The following LPA variants were observed in gnomAD, a reference collection of about 807,000 sequenced individuals.
LPA encodes the protein lipoprotein(a).
A neutral mutation model predicts 197.9 loss-of-function variants in LPA; 199 were observed. That is an observed-to-expected ratio of 1.01 (90% CI 0.90 to 1.13). LPA has a LOEUF of 1.13. Among genes scored for constraint, LPA ranks in the 50% most tolerant of loss-of-function variants. The probability of loss-of-function intolerance (pLI) is 0.00; values close to 1 mark genes in which losing one functional copy is unlikely to be tolerated. For synonymous variants in LPA, 715 were observed against 639.5 expected (o/e 1.12, Z -1.78); for missense variants, 1,853 against 1,785.8 (o/e 1.04, Z -0.68).
chr6:160,606,784 A>G (rs1420540502), intron 16 of LPA, 126 bp from the exon 17 acceptor site: 1 of 1,426,024 alleles, frequency 7.0e-7, no homozygotes, highest in Non-Finnish European at 9.9e-7. Flanking sequence ...TAAAAGTACC[A>G]TATGATTGCC....
In LPA at chr6:160,548,501, C is replaced by A. The variant is rs758400355; in HGVS notation, c.5132G>T (p.Ser1711Ile). Residue 1711 changes from serine to isoleucine, a missense_variant, in exon 31 of 39, where the codon AGC (serine) becomes ATC (isoleucine). Transcript: ENST00000316300. Reference sequence around the variant, plus strand: ...ACCTTGTTCAGAAGGAGGCCCTAGGCTTGGAACCTGGATGACAGTCGGAGG... The same window carrying A: ...ACCTTGTTCAGAAGGAGGCCCTAGGATTGGAACCTGGATGACAGTCGGAGG... ...VAPPTVIQVPSLGPPSEQDCM... is the reference protein window; with the variant it reads ...VAPPTVIQVPILGPPSEQDCM... The A allele has an allele frequency of 6.2e-7, 1 of 1,614,078 alleles. No individual in the cohort carries two copies. Among genetic ancestry groups the A allele is most frequent in the Non-Finnish European group, 8.5e-7 (1 of 1,180,014 alleles).
intron 26 of LPA, among the ~76,000 whole-genome samples, chr6:160,581,542 T>G (rs1778801866): frequency 6.6e-6 from 1 of 152,116 alleles, no homozygotes; most frequent in Non-Finnish European, 1.5e-5. Flanking sequence ...TCTCAGGCAA[T>G]CCTCTCATCT....
chr6:160,563,860 G>A (rs1778403782), intron 28 of LPA, among the ~76,000 whole-genome samples: 1 of 152,076 alleles, frequency 6.6e-6, no homozygotes, highest in African/African-American at 2.4e-5. Context: ...TTTAAAGTCT[G>A]TTTCATCAAA....
chr6:160,585,158 C>A lies in LPA; in HGVS notation c.4177G>T (p.Gly1393Ter). The A allele has an allele frequency of 6.2e-7, 1 of 1,613,404 alleles. No homozygotes were observed. Among genetic ancestry groups the A allele is most frequent in the South Asian group, 1.1e-5 (1 of 91,056 alleles). The change falls in exon 26 of 39, where the codon GGA (glycine) becomes TGA (stop). Residue 1393 changes from glycine to a stop codon, truncating the protein, a stop_gained. Transcript: ENST00000316300. LOFTEE classifies it high-confidence loss of function. ...TGVQDCYRGD[G>*]QSYRGTLSTT... ...GAGAGTGTGCCTCGATAACTCTGTC[C>A]ATCACCTCGGTAGCAGTCCTGGACC...
At chr6:160,609,438 C>T (rs1168856526) in intron 16 of LPA, among the ~76,000 whole-genome samples, 1 of 152,050 alleles carries the variant, frequency 6.6e-6, no homozygotes, top group African/African-American at 2.4e-5. Flanking sequence ...GCTCTTTTTT[C>T]TCCAGTTTCT....
chr6:160,571,015 G>A (rs753630059), intron 28 of LPA, among the ~76,000 whole-genome samples: 9 of 152,124 alleles, frequency 5.9e-5, no homozygotes, highest in Admixed American at 1.3e-4. Flanking sequence ...CCAATCAAAC[G>A]TAGGTTCAAT....
chr6:160,561,066 C>T (rs534222086), intron 28 of LPA, among the ~76,000 whole-genome samples: 91 of 152,198 alleles, frequency 6.0e-4, no homozygotes, highest in African/African-American at 2.2e-3. Flanking sequence ...CCCACGACCA[C>T]ACCCAGCTAA....
chr6:160,591,481 G>T (rs1422216547), intron 22 of LPA, among the ~76,000 whole-genome samples: 2 of 152,300 alleles, frequency 1.3e-5, no homozygotes, highest in South Asian at 2.1e-4. Context: ...TCTCTGTCTG[G>T]CTATCTGTAT....
chr6:160,611,353 C>A (rs534782358), intron 16 of LPA, among the ~76,000 whole-genome samples: 10 of 152,202 alleles, frequency 6.6e-5, no homozygotes, highest in Non-Finnish European at 1.0e-4. Flanking sequence ...CATTTCCCTT[C>A]TGCTCCACAA....
intron 30 of LPA, among the ~76,000 whole-genome samples, chr6:160,549,860 G>A (rs1346011120): frequency 6.6e-6 from 1 of 152,200 alleles, no homozygotes; most frequent in South Asian, 2.1e-4. Context: ...TAAAGTGAGA[G>A]GGCTGGCTAG....
chr6:160,556,235 T>C (rs1778261462), intron 29 of LPA, 51 bp from the exon 30 acceptor site: 1 of 1,571,846 alleles, frequency 6.4e-7, no homozygotes, highest in Admixed American at 1.7e-5. Flanking sequence ...CAGAAACATG[T>C]GAAGCAATTT....
intron 1 of LPA, among the ~76,000 whole-genome samples, chr6:160,658,303 C>A (rs569385853): frequency 6.6e-6 from 1 of 152,168 alleles, no homozygotes; most frequent in Non-Finnish European, 1.5e-5. Flanking sequence ...ACAGTAAACA[C>A]CTGGCAAGGC....
chr6:160,610,362 T>C (rs1779467177), intron 16 of LPA, among the ~76,000 whole-genome samples: 1 of 152,168 alleles, frequency 6.6e-6, no homozygotes, highest in South Asian at 2.1e-4. Context: ...GCCTTTATTC[T>C]AGTAATATAC....
intron 37 of LPA, among the ~76,000 whole-genome samples, chr6:160,534,609 ACCT>A (rs1045632553): frequency 6.6e-6 from 1 of 151,960 alleles, no homozygotes; most frequent in African/African-American, 2.4e-5. Context: ...GAGAATTTTG[ACCT>A]CCTTCTGAGA....
intron 28 of LPA, among the ~76,000 whole-genome samples, chr6:160,568,287 A>G (rs899017446): frequency 6.6e-6 from 1 of 152,220 alleles, no homozygotes; most frequent in African/African-American, 2.4e-5. Flanking sequence ...AAGCTTATCC[A>G]CCATGATCAA....
rs189377046 is a variant in LPA at position 160,537,897 on chromosome 6, C to T, written c.5800G>A (p.Ala1934Thr). 231 of 1,614,206 alleles carry T rather than the reference C, an allele frequency of 1.4e-4. 1 individual carries two copies. The highest frequency in any genetic ancestry group is 1.0e-3 in the South Asian group (94 of 91,084). The change falls in exon 37 of 39, where the codon GCC becomes ACC. Residue 1934 changes from alanine (A) to threonine (T), a missense_variant. Ala to Thr is a moderately conservative substitution (Grantham distance 58). Transcript: ENST00000316300. ...CLPSPDYMVT[A>T]RTECYITGWG... ...CCAGTGATGTAACATTCAGTCCTGGCGGTGACCATGTAGTCTGGGGATGGC... is the reference window on the plus strand; with the variant it reads ...CCAGTGATGTAACATTCAGTCCTGGTGGTGACCATGTAGTCTGGGGATGGC...
In LPA at chr6:160,660,104, T is replaced by C. The variant is rs374572100; in HGVS notation, c.49+4062A>G. ...CTTTAACACCTGTGATACAGGTGTT[T>C]GATATGAATTCTACGTAATGGCTGC... On this transcript the variant is annotated intron_variant, in intron 1 of 38. Transcript: ENST00000316300. Among the ~76,000 whole-genome samples, 350 of 152,374 alleles carry C rather than the reference T, an allele frequency of 2.3e-3. 17 individuals carry two copies. In the South Asian group the frequency reaches 0.069, roughly 30 times the overall value.
intron 1 of LPA, among the ~76,000 whole-genome samples, chr6:160,661,677 C>T (rs2115114551): frequency 6.6e-6 from 1 of 152,280 alleles, no homozygotes; most frequent in South Asian, 2.1e-4. Context: ...CTGATGCATT[C>T]TGAACCTAAT....
chr6:160,552,320 G>C (rs567097081), intron 30 of LPA, among the ~76,000 whole-genome samples: 2 of 152,152 alleles, frequency 1.3e-5, no homozygotes, highest in African/African-American at 4.8e-5. Flanking sequence ...GCTTGGGTGT[G>C]GGTTTCATCC....
Sources: allele counts gnomAD v4.1 joint callset (sites outside exome capture counted in the v4.1 genomes callset), GRCh38; gene constraint gnomAD v4.1.1; transcripts MANE v1.5; gene names NCBI Gene and HGNC (gene_info 2026-07-23, HGNC 2026-07-21).